Variants in DPP10 observed in about 807,000 individuals in gnomAD.
The protein encoded by DPP10 is inactive dipeptidyl peptidase 10.
A neutral mutation model predicts 120.9 loss-of-function variants in DPP10; 33 were observed. That is an observed-to-expected ratio of 0.27 (90% CI 0.21 to 0.37). DPP10 has a LOEUF of 0.37. Ranked by LOEUF, DPP10 falls within the 10% of genes least tolerant of loss-of-function variation. DPP10 has a pLI of 1.00. For missense variants in DPP10, 816 were observed against 942.8 expected (o/e 0.87, Z 1.76); for synonymous variants, 337 against 326.1 (o/e 1.03, Z -0.36).
At chr2:115,105,566 C>T (rs2048910165) in intron 1 of DPP10, among the ~76,000 whole-genome samples, 1 of 152,058 alleles carries the variant, frequency 6.6e-6, no homozygotes, top group Non-Finnish European at 1.5e-5. Flanking sequence ...AGGAGTCTGC[C>T]CCGATGACCC....
chr2:115,728,621 C>CT (rs981816811), intron 8 of DPP10, among the ~76,000 whole-genome samples: 18 of 152,102 alleles, frequency 1.2e-4, no homozygotes, highest in African/African-American at 4.3e-4. Context: ...TAAAGTAAGT[C>CT]TACTTTATTA....
At chr2:115,179,413 G>A (rs2105128628) in intron 1 of DPP10, among the ~76,000 whole-genome samples, 1 of 152,172 alleles carries the variant, frequency 6.6e-6, no homozygotes, top group Admixed American at 6.5e-5. Context: ...ACATGATAAT[G>A]AATACGTGGT....
chr2:115,674,260 A>AAATG (rs2090111992), intron 5 of DPP10, among the ~76,000 whole-genome samples: 1 of 151,714 alleles, frequency 6.6e-6, no homozygotes, highest in South Asian at 2.1e-4. Context: ...ATAAATAAAT[A>AAATG]AATAAATAAA....
intron 1 of DPP10, among the ~76,000 whole-genome samples, chr2:115,208,263 G>C (rs1298175615): frequency 2.7e-5 from 4 of 145,692 alleles, no homozygotes; most frequent in African/African-American, 7.7e-5. Flanking sequence ...GCAATGGCAC[G>C]ATCTTGGCTC....
intron 1 of DPP10, among the ~76,000 whole-genome samples, chr2:115,199,812 A>G (rs2055564943): frequency 6.6e-6 from 1 of 152,170 alleles, no homozygotes; most frequent in Non-Finnish European, 1.5e-5. Context: ...TGGATTTCAT[A>G]AGGCATAATT....
At chr2:114,595,065 G>A (rs1014507921) in intron 1 of DPP10, among the ~76,000 whole-genome samples, 2 of 151,888 alleles carry the variant, frequency 1.3e-5, no homozygotes, top group Non-Finnish European at 2.9e-5. Context: ...TAATACATCT[G>A]GTCATAGGGG....
intron 5 of DPP10, among the ~76,000 whole-genome samples, chr2:115,645,725 A>G (rs2087189695): frequency 6.6e-6 from 1 of 152,226 alleles, no homozygotes; most frequent in Non-Finnish European, 1.5e-5. Context: ...GCACATTTGC[A>G]AAAATGACTC....
intron 1 of DPP10, among the ~76,000 whole-genome samples, chr2:114,641,627 A>G (rs1695713669): frequency 1.3e-5 from 2 of 151,996 alleles, no homozygotes; most frequent in Non-Finnish European, 2.9e-5. Context: ...CCACAACTAA[A>G]GTATATTTTA....
intron 3 of DPP10, among the ~76,000 whole-genome samples, chr2:115,459,253 T>C (rs2073829898): frequency 6.6e-6 from 1 of 151,962 alleles, no homozygotes; most frequent in Non-Finnish European, 1.5e-5. Context: ...ACCTCCCTTG[T>C]TCAAGTGATT....
intron 3 of DPP10, among the ~76,000 whole-genome samples, chr2:115,388,468 T>C (rs1574672437): frequency 6.6e-6 from 1 of 151,998 alleles, no homozygotes; most frequent in African/African-American, 2.4e-5. Context: ...GTAAGTCAGG[T>C]GAGAGATGTA....
chr2:115,491,249 A>C (rs1253001256), intron 3 of DPP10, among the ~76,000 whole-genome samples: 1 of 152,206 alleles, frequency 6.6e-6, no homozygotes, highest in East Asian at 1.9e-4. Context: ...ACTTAGAGCC[A>C]ATGAGCAGAA....
chr2:115,610,488 T>TGA (rs1291736943), intron 5 of DPP10, among the ~76,000 whole-genome samples: 2 of 69,222 alleles, frequency 2.9e-5, no homozygotes, highest in African/African-American at 6.5e-5. Context: ...ACAAGCAGTA[T>TGA]GAGTGTGTGT....
chr2:115,694,808 T>C (rs553290428), intron 7 of DPP10, among the ~76,000 whole-genome samples: 94 of 152,326 alleles, frequency 6.2e-4, no homozygotes, highest in Non-Finnish European at 1.2e-3. Context: ...CAGAAGCAGC[T>C]ACCTATCTTC....
At chr2:115,024,723 TATAA>T (rs1182513289) in intron 1 of DPP10, among the ~76,000 whole-genome samples, 25 of 146,930 alleles carry the variant, frequency 1.7e-4, no homozygotes, top group South Asian at 1.5e-3. Flanking sequence ...AATATATTTG[TATAA>T]ATAAATAATT....
chr2:115,446,597 G>A (rs79410375), intron 3 of DPP10, among the ~76,000 whole-genome samples: 1,936 of 152,248 alleles, frequency 0.013, 31 homozygotes, highest in African/African-American at 0.043. Flanking sequence ...TCACAGGCTC[G>A]GAATGTTTCT....
At chr2:115,791,484 G>A (rs1349856544) in intron 19 of DPP10, 128 bp downstream of exon 19, 1 of 807,762 alleles carries the variant, frequency 1.2e-6, no homozygotes, top group Non-Finnish European at 1.9e-6. Context: ...ACAGCTGTCT[G>A]TTGTCTAAAT....
chr2:115,172,552 G>A (rs961482211), intron 1 of DPP10, among the ~76,000 whole-genome samples: 27 of 152,054 alleles, frequency 1.8e-4, no homozygotes, highest in African/African-American at 6.3e-4. Flanking sequence ...GATAGACCCA[G>A]GGATTTCTAC....
intron 1 of DPP10, among the ~76,000 whole-genome samples, chr2:114,935,372 CTT>C (rs1449378580): frequency 6.6e-6 from 1 of 152,110 alleles, no homozygotes; most frequent in Non-Finnish European, 1.5e-5. Context: ...AGTCGGAACT[CTT>C]TCTAATTTTC....
intron 5 of DPP10, among the ~76,000 whole-genome samples, chr2:115,630,384 T>C (rs1330696012): frequency 6.6e-6 from 1 of 152,158 alleles, no homozygotes; most frequent in African/African-American, 2.4e-5. Context: ...TCTTCCTACC[T>C]GAATACCCTT....
Sources: allele counts gnomAD v4.1 joint callset (sites outside exome capture counted in the v4.1 genomes callset), GRCh38; gene constraint gnomAD v4.1.1; transcripts MANE v1.5; gene names NCBI Gene and HGNC (gene_info 2026-07-23, HGNC 2026-07-21).